MAGI3: variants seen among roughly 807,000 people sequenced by gnomAD.
MAGI3 encodes membrane associated guanylate kinase, WW and PDZ domain containing 3.
MAGI3 carries 43 observed loss-of-function variants against 121.8 expected under a neutral mutation model. The observed-to-expected ratio is 0.35, with a 90% confidence interval of 0.28 to 0.46. The LOEUF is 0.46. MAGI3 is among the 20% of genes least tolerant of loss of function. The pLI, the probability that MAGI3 is intolerant of heterozygous loss-of-function variation, is 1.00. For missense variants in MAGI3, 1,547 were observed against 1,797.3 expected, an observed-to-expected ratio of 0.86 and a Z score of 2.52; for synonymous variants, 553 against 639.3, an observed-to-expected ratio of 0.86 and a Z score of 2.04.
chr1:113,465,329 A>G (rs1357044232), intron 1 of MAGI3, among the ~76,000 whole-genome samples: 1 of 151,118 alleles, frequency 6.6e-6, no homozygotes, highest in Admixed American at 6.6e-5. Context: ...TTGTATTTAT[A>G]TCTGTGTTCT....
chr1:113,445,842 A>G (rs1482489446), intron 1 of MAGI3, among the ~76,000 whole-genome samples: 2 of 152,210 alleles, frequency 1.3e-5, no homozygotes, highest in Non-Finnish European at 2.9e-5. Flanking sequence ...ATTCTCAGAT[A>G]AACAAAAGAT....
chr1:113,507,213 C>G (rs1393105425), intron 1 of MAGI3, among the ~76,000 whole-genome samples: 1 of 152,106 alleles, frequency 6.6e-6, no homozygotes, highest in Non-Finnish European at 1.5e-5. Context: ...TTGGGATACA[C>G]TATGAGGTAG....
At chr1:113,512,782 T>G (rs993953584) in intron 1 of MAGI3, among the ~76,000 whole-genome samples, 1 of 152,088 alleles carries the variant, frequency 6.6e-6, no homozygotes, top group Non-Finnish European at 1.5e-5. Flanking sequence ...CCAGGGCAAT[T>G]AGGCAGGAGA....
rs577966854 is a variant in MAGI3, at chr1:113,606,392, T to C, written c.1019-8209T>C. ...CTAGAATATATAATACTATAGAATT[T>C]GACTTTTTTTATTGTGAACATGGTA... On this transcript the variant is annotated intron_variant, in intron 6 of 20. Transcript: ENST00000307546. Among the ~76,000 whole-genome samples the C allele has an allele frequency of 2.0e-5, 3 of 152,314 alleles. No individual in the cohort carries two copies. In the South Asian group the frequency reaches 6.2e-4, roughly 32 times the overall value.
At chr1:113,602,555 T>C (rs976361381) in intron 6 of MAGI3, among the ~76,000 whole-genome samples, 4 of 152,024 alleles carry the variant, frequency 2.6e-5, no homozygotes, top group African/African-American at 9.7e-5. Flanking sequence ...CTCAAGGAAC[T>C]AGAGAAACAA....
At chr1:113,660,121 C>G (rs1001862411) in intron 16 of MAGI3, among the ~76,000 whole-genome samples, 12 of 152,134 alleles carry the variant, frequency 7.9e-5, no homozygotes, top group African/African-American at 2.9e-4. Flanking sequence ...CCACTCTCAT[C>G]ATTTATTTCT....
At chr1:113,646,452 A>T in intron 11 of MAGI3, 34 bp from the exon 12 acceptor site, 1 of 1,534,480 alleles carries the variant, frequency 6.5e-7, no homozygotes, top group Non-Finnish European at 8.8e-7. Flanking sequence ...TCTGCTTTTT[A>T]AAAAATACTA....
intron 1 of MAGI3, among the ~76,000 whole-genome samples, chr1:113,489,235 A>C (rs1461069173): frequency 6.6e-6 from 1 of 151,998 alleles, no homozygotes; most frequent in East Asian, 1.9e-4. Flanking sequence ...AGCCAATGCA[A>C]GTCCGCCAGA....
At chr1:113,461,454 A>G (rs1012454986) in intron 1 of MAGI3, among the ~76,000 whole-genome samples, 5 of 152,208 alleles carry the variant, frequency 3.3e-5, no homozygotes, top group African/African-American at 9.6e-5. Context: ...AACAATGCTG[A>G]CAAAAACAAG....
intron 16 of MAGI3, 130 bp downstream of exon 16, chr1:113,659,395 A>G: frequency 1.3e-6 from 1 of 764,772 alleles, no homozygotes; most frequent in South Asian, 2.2e-5. Context: ...CTGGAGTCTT[A>G]TTCTTCCCCT....
intron 6 of MAGI3, among the ~76,000 whole-genome samples, chr1:113,611,337 A>G (rs1334121967): frequency 6.6e-6 from 1 of 151,896 alleles, no homozygotes; most frequent in Non-Finnish European, 1.5e-5. Context: ...ATCTGCCCAC[A>G]TTGGCCTCCC....
intron 1 of MAGI3, among the ~76,000 whole-genome samples, chr1:113,516,924 C>T (rs113911240): frequency 1.4e-4 from 22 of 152,118 alleles, no homozygotes; most frequent in African/African-American, 4.8e-4. Context: ...CACATAACCC[C>T]AGTCTCATCG....
chr1:113,466,291 T>C (rs1451113047), intron 1 of MAGI3, among the ~76,000 whole-genome samples: 2 of 152,178 alleles, frequency 1.3e-5, no homozygotes, highest in African/African-American at 4.8e-5. Flanking sequence ...ATCGCATTTA[T>C]TGATTTGCAT....
intron 1 of MAGI3, among the ~76,000 whole-genome samples, chr1:113,519,936 C>G (rs1293989056): frequency 3.3e-5 from 5 of 152,212 alleles, no homozygotes; most frequent in Admixed American, 6.5e-5. Context: ...GCTAATCTTG[C>G]AAGGAAGCTT....
At chr1:113,480,701 A>G (rs1656068710) in intron 1 of MAGI3, among the ~76,000 whole-genome samples, 1 of 152,096 alleles carries the variant, frequency 6.6e-6, no homozygotes, top group South Asian at 2.1e-4. Flanking sequence ...TCTTATTTCC[A>G]TGCTTCACTG....
chr1:113,618,445 C>A, intron 7 of MAGI3: 1 of 418,754 alleles, frequency 2.4e-6, no homozygotes. Flanking sequence ...CAATCATGTT[C>A]TGAAATTCTC....
chr1:113,682,257 A>G (rs1428471821), intron 20 of MAGI3: 3 of 1,611,538 alleles, frequency 1.9e-6, no homozygotes, highest in Non-Finnish European at 2.5e-6. Flanking sequence ...CCCGAGCAAC[A>G]TTAAGGCTTT....
chr1:113,564,338 C>T (rs1660350469), intron 2 of MAGI3, among the ~76,000 whole-genome samples: 1 of 152,056 alleles, frequency 6.6e-6, no homozygotes, highest in African/African-American at 2.4e-5. Context: ...ACAAATGAAC[C>T]CAGTACCTTG....
intron 2 of MAGI3, among the ~76,000 whole-genome samples, chr1:113,571,481 G>T (rs1038797054): frequency 7.2e-5 from 11 of 152,188 alleles, no homozygotes; most frequent in Non-Finnish European, 2.9e-5. Flanking sequence ...ATTACTTTGG[G>T]CAGTGTGGCC....
Sources: allele counts gnomAD v4.1 joint callset (sites outside exome capture counted in the v4.1 genomes callset), GRCh38; gene constraint gnomAD v4.1.1; transcripts MANE v1.5; gene names NCBI Gene and HGNC (gene_info 2026-07-23, HGNC 2026-07-21).